The following SORCS2 variants were observed in gnomAD, a reference collection of about 807,000 sequenced individuals.
SORCS2 encodes the protein sortilin related VPS10 domain containing receptor 2, also known as VPS10 domain-containing receptor SorCS2.
SORCS2 carries 100 observed loss-of-function variants against 141.6 expected under a neutral mutation model. That is an observed-to-expected ratio of 0.71 (90% confidence interval 0.60 to 0.83). The LOEUF is 0.83. SORCS2 is among the 40% of genes least tolerant of loss of function. The pLI, the probability that SORCS2 is intolerant of heterozygous loss-of-function variation, is 0.00. For synonymous variants in SORCS2, 789 were observed against 676.9 expected, an observed-to-expected ratio of 1.17 and a Z score of -2.57; for missense variants, 1,646 against 1,560.2, an observed-to-expected ratio of 1.05 and a Z score of -0.93.
At chr4:7,725,604 C>A (rs1727163081) in intron 20 of SORCS2, among the ~76,000 whole-genome samples, 1 of 152,164 alleles carries the variant, frequency 6.6e-6, no homozygotes, top group Non-Finnish European at 1.5e-5. Context: ...CATGAGAGCT[C>A]CCGGAAAGGA....
chr4:7,739,655 G>C (rs533021955), intron 26 of SORCS2, among the ~76,000 whole-genome samples: 1 of 152,130 alleles, frequency 6.6e-6, no homozygotes, highest in Non-Finnish European at 1.5e-5. Flanking sequence ...GGGCTGTGCC[G>C]CGGGTGCTCC....
intron 1 of SORCS2, among the ~76,000 whole-genome samples, chr4:7,328,222 G>A (rs945106440): frequency 2.0e-5 from 3 of 148,688 alleles, no homozygotes; most frequent in African/African-American, 7.5e-5. Flanking sequence ...TTTTAGTAGA[G>A]ATGGGGTTTT....
intron 1 of SORCS2, among the ~76,000 whole-genome samples, chr4:7,376,394 G>T (rs6815263): frequency 0.64 from 96,575 of 151,280 alleles, 31,515 homozygotes; most frequent in East Asian, 0.94. Context: ...CTGGCCAACA[G>T]GGTGAAACCC....
At chr4:7,397,966 A>C (rs9997712) in intron 2 of SORCS2, among the ~76,000 whole-genome samples, 40,878 of 152,066 alleles carry the variant, frequency 0.27, 5,917 homozygotes, top group African/African-American at 0.35. Context: ...CTGCCTGGGG[A>C]TACCCGCCTC....
At chr4:7,455,116 T>C (rs1436598035) in intron 2 of SORCS2, among the ~76,000 whole-genome samples, 4 of 64,352 alleles carry the variant, frequency 6.2e-5, no homozygotes, top group African/African-American at 1.8e-4. Flanking sequence ...TCAGGAGCTG[T>C]GTGTTGGGGT....
chr4:7,243,751 A>T (rs1712874450), intron 1 of SORCS2, among the ~76,000 whole-genome samples: 1 of 152,162 alleles, frequency 6.6e-6, no homozygotes, highest in Non-Finnish European at 1.5e-5. Context: ...GGGCGTGGGG[A>T]TCCCCCCCCA....
intron 3 of SORCS2, among the ~76,000 whole-genome samples, chr4:7,618,498 G>A (rs1290334646): frequency 6.6e-6 from 1 of 152,126 alleles, no homozygotes; most frequent in Non-Finnish European, 1.5e-5. Flanking sequence ...CTCCTCACGA[G>A]GCTCCCGGGC....
At chr4:7,414,873 G>A (rs1211130133) in intron 2 of SORCS2, among the ~76,000 whole-genome samples, 5 of 152,024 alleles carry the variant, frequency 3.3e-5, no homozygotes, top group African/African-American at 7.3e-5. Context: ...AGTTAATTGC[G>A]CTCCTTTGAA....
In SORCS2 at chr4:7,589,594, G is replaced by A. The variant is rs1193440853; in HGVS notation, c.649-48734G>A. ...ACTTTTGTATTTTTAGTAAAGAAGG[G>A]GTTTCACCATATTGGCCAGGCTTGT... is the stretch of plus-strand genomic sequence containing the variant. On this transcript the variant is annotated intron_variant, in intron 3 of 26. Coordinates refer to ENST00000507866, the MANE Select transcript of SORCS2 (RefSeq NM_020777.3). 3.3e-5 allele frequency among the ~76,000 whole-genome samples: 5 copies of A among 152,202 alleles called. No individual in the cohort carries two copies. The South Asian group carries it at 1.0e-3, about 32-fold the overall frequency.
At chr4:7,394,184 T>G (rs13146345) in intron 1 of SORCS2, among the ~76,000 whole-genome samples, 37,511 of 150,644 alleles carry the variant, frequency 0.25, 4,867 homozygotes, top group Non-Finnish European at 0.27. Flanking sequence ...GGTGGGGAGG[T>G]GGGCACTGGC....
intron 2 of SORCS2, among the ~76,000 whole-genome samples, chr4:7,451,009 T>C (rs1217230150): frequency 6.8e-6 from 1 of 146,542 alleles, no homozygotes; most frequent in Non-Finnish European, 1.5e-5. Flanking sequence ...AGGGAGTGAA[T>C]GAATGAGGAA....
At chr4:7,381,471 G>C (rs918595517) in intron 1 of SORCS2, among the ~76,000 whole-genome samples, 1 of 152,186 alleles carries the variant, frequency 6.6e-6, no homozygotes, top group Non-Finnish European at 1.5e-5. Flanking sequence ...CCCCTGAAAG[G>C]GTCCCTCCCT....
intron 2 of SORCS2, among the ~76,000 whole-genome samples, chr4:7,529,777 C>G (rs567219878): frequency 9.3e-4 from 142 of 152,290 alleles, no homozygotes; most frequent in African/African-American, 3.2e-3. Context: ...TGCGTCCTTC[C>G]CAAAGAAAAT....
chr4:7,625,397 C>G (rs956114276), intron 3 of SORCS2, among the ~76,000 whole-genome samples: 9 of 152,126 alleles, frequency 5.9e-5, no homozygotes, highest in African/African-American at 2.2e-4. Flanking sequence ...AAAAGAGAGA[C>G]AAGAACATCT....
At chr4:7,246,604 A>T (rs1217131470) in intron 1 of SORCS2, among the ~76,000 whole-genome samples, 4 of 152,192 alleles carry the variant, frequency 2.6e-5, no homozygotes, top group Admixed American at 2.0e-4. Flanking sequence ...TGTTGGTGCC[A>T]GGGACTGGGG....
At chr4:7,496,205 A>G (rs1054395735) in intron 2 of SORCS2, among the ~76,000 whole-genome samples, 3 of 152,114 alleles carry the variant, frequency 2.0e-5, no homozygotes, top group African/African-American at 7.2e-5. Flanking sequence ...CTCCCTGTCT[A>G]TCACCCTCAT....
chr4:7,324,274 T>C (rs1284854441), intron 1 of SORCS2, among the ~76,000 whole-genome samples: 1 of 152,174 alleles, frequency 6.6e-6, no homozygotes, highest in Non-Finnish European at 1.5e-5. Context: ...ACGTAGCTGG[T>C]GGTGAGGCAG....
intron 2 of SORCS2, among the ~76,000 whole-genome samples, chr4:7,508,140 G>A (rs1266434215): frequency 6.7e-6 from 1 of 150,206 alleles, no homozygotes; most frequent in African/African-American, 2.4e-5. Flanking sequence ...GTGGGTGGGA[G>A]AAGCTTTGTG....
chr4:7,373,166 T>G (rs1425250916), intron 1 of SORCS2, among the ~76,000 whole-genome samples: 2 of 151,946 alleles, frequency 1.3e-5, no homozygotes, highest in Non-Finnish European at 2.9e-5. Flanking sequence ...CCAAGTTGTT[T>G]CCGAAGAAGC....
Sources: allele counts gnomAD v4.1 joint callset (sites outside exome capture counted in the v4.1 genomes callset), GRCh38; gene constraint gnomAD v4.1.1; transcripts MANE v1.5; gene names NCBI Gene and HGNC (gene_info 2026-07-23, HGNC 2026-07-21).